WDFY3: variants seen among roughly 807,000 people sequenced by gnomAD.
The protein encoded by WDFY3 is WD repeat and FYVE domain-containing protein 3.
In WDFY3, 66 loss-of-function variants were observed where a neutral mutation model predicts 409.6. That is an observed-to-expected ratio of 0.16 (90% CI 0.13 to 0.20). The LOEUF (loss-of-function observed/expected upper bound fraction) is 0.20, where lower values mean the gene tolerates loss of function less well. WDFY3 is among the 10% of genes least tolerant of loss of function. The pLI is 1.00. For synonymous variants in WDFY3, 1,521 were observed against 1,537.1 expected, an observed-to-expected ratio of 0.99 and a Z score of 0.25; for missense variants, 3,031 against 4,298.1, an observed-to-expected ratio of 0.71 and a Z score of 8.24.
intron 13 of WDFY3, among the ~76,000 whole-genome samples, chr4:84,810,730 T>G (rs1271571942): frequency 3.3e-5 from 5 of 152,210 alleles, no homozygotes; most frequent in African/African-American, 7.2e-5. Context: ...TACAAACTGA[T>G]TAATTCTAGA....
chr4:84,803,505 C>T lies in WDFY3; in HGVS notation c.2430-38G>A. The T allele has an allele frequency of 1.9e-6, 3 of 1,564,938 alleles. No individual in the cohort carries two copies. The South Asian group carries it at 3.7e-5, about 19-fold the overall frequency. ...AAAGAGTAAATTTGGTATTGAATTC[C>T]AATCACATTCTCTTCCTCTTCAGTT... On this transcript the variant is annotated intron_variant, in intron 15 of 67. Transcript: ENST00000295888.
At chr4:84,705,637 G>T in intron 53 of WDFY3, 126 bp from the exon 54 acceptor site, 1 of 749,796 alleles carries the variant, frequency 1.3e-6, no homozygotes. Context: ...GGTCAAACTG[G>T]TATAACTGGA....
chr4:84,879,673 A>T (rs756612043), intron 3 of WDFY3, among the ~76,000 whole-genome samples: 3 of 151,480 alleles, frequency 2.0e-5, no homozygotes, highest in East Asian at 1.9e-4. Context: ...ACATCAAAAT[A>T]AAAAAAAAGT....
chr4:84,729,491 A>G (rs943499623), intron 44 of WDFY3, among the ~76,000 whole-genome samples: 2 of 151,910 alleles, frequency 1.3e-5, no homozygotes, highest in Non-Finnish European at 2.9e-5. Context: ...CTCGATATTA[A>G]TAATTATTAC....
At chr4:84,686,292 C>T (rs543141690) in intron 62 of WDFY3, among the ~76,000 whole-genome samples, 5 of 151,728 alleles carry the variant, frequency 3.3e-5, no homozygotes, top group Non-Finnish European at 7.4e-5. Context: ...GGCAAAAGAG[C>T]GAGACTCCAT....
At chr4:84,726,456 C>A (rs905492014) in intron 45 of WDFY3, among the ~76,000 whole-genome samples, 7 of 152,070 alleles carry the variant, frequency 4.6e-5, no homozygotes, top group African/African-American at 1.7e-4. Context: ...AAAGAGGAGA[C>A]ACTGTTGCAT....
chr4:84,872,086 T>A (rs1762203297), intron 3 of WDFY3, among the ~76,000 whole-genome samples: 1 of 152,162 alleles, frequency 6.6e-6, no homozygotes, highest in African/African-American at 2.4e-5. Flanking sequence ...GCAAGAAACC[T>A]GCAGTATACC....
chr4:84,908,305 C>G (rs549887752), intron 2 of WDFY3, among the ~76,000 whole-genome samples: 1 of 152,128 alleles, frequency 6.6e-6, no homozygotes, highest in East Asian at 1.9e-4. Flanking sequence ...TAGACAGATT[C>G]AACAGACATT....
intron 15 of WDFY3, among the ~76,000 whole-genome samples, chr4:84,805,964 T>C (rs1751432516): frequency 6.6e-6 from 1 of 152,192 alleles, no homozygotes; most frequent in Non-Finnish European, 1.5e-5. Context: ...AGCTAGTTCA[T>C]TTTCCCCCAA....
rs753796269 is a variant in WDFY3 at position 84,772,891 on chromosome 4, G to A, written c.4793C>T (p.Ala1598Val). The change falls in exon 30 of 68, where the codon GCG becomes GTG. Residue 1598 changes from alanine (A) to valine (V), a missense_variant. Ala to Val is a moderately conservative substitution (Grantham distance 64, BLOSUM62 0). Around this residue, in one of 16 missense-constraint regions of WDFY3, gnomAD observed 342 missense variants for 463.7 expected, o/e 0.74. Transcript: ENST00000295888. ...QFISSTLPTF[A>V]VCEKFVVMEI... ...CATTACTACAAATTTCTCACAAACCGCAAAGGTTGGCAAAGTAGAAGAAAT... is the reference window on the plus strand; with the variant it reads ...CATTACTACAAATTTCTCACAAACCACAAAGGTTGGCAAAGTAGAAGAAAT... 47 of 1,607,692 alleles carry A rather than the reference G, an allele frequency of 2.9e-5. No homozygotes were observed. The highest frequency in any genetic ancestry group is 3.8e-5 in the Non-Finnish European group (45 of 1,177,606).
At chr4:84,794,424 G>A in intron 21 of WDFY3, 95 bp downstream of exon 21, 1 of 1,213,374 alleles carries the variant, frequency 8.2e-7, no homozygotes, top group Non-Finnish European at 1.1e-6. Flanking sequence ...AATTTAAGCT[G>A]AAAAGTTATT....
At chr4:84,778,770 TAC>T in intron 26 of WDFY3, 115 bp from the exon 27 acceptor site, 1 of 924,286 alleles carries the variant, frequency 1.1e-6, no homozygotes, top group Non-Finnish European at 1.5e-6. Context: ...AACACACACA[TAC>T]ACACAGAATC....
chr4:84,869,731 TA>T (rs1761909455), intron 3 of WDFY3, among the ~76,000 whole-genome samples: 1 of 152,148 alleles, frequency 6.6e-6, no homozygotes, highest in African/African-American at 2.4e-5. Flanking sequence ...GCAGCCCTTC[TA>T]ACAAAGTATT....
At chr4:84,771,706 T>C (rs1560717368) in intron 30 of WDFY3, among the ~76,000 whole-genome samples, 1 of 152,208 alleles carries the variant, frequency 6.6e-6, no homozygotes, top group African/African-American at 2.4e-5. Flanking sequence ...ATTGGAATAA[T>C]AGTACCTATT....
At chr4:84,889,650 ACTAT>A (rs1488901282) in intron 3 of WDFY3, among the ~76,000 whole-genome samples, 1 of 152,210 alleles carries the variant, frequency 6.6e-6, no homozygotes, top group Admixed American at 6.5e-5. Context: ...TCCTCCATTC[ACTAT>A]CTATGTGACG....
intron 6 of WDFY3, among the ~76,000 whole-genome samples, chr4:84,840,306 T>C (rs1222594936): frequency 6.6e-6 from 1 of 152,200 alleles, no homozygotes; most frequent in Non-Finnish European, 1.5e-5. Context: ...ATCTCCAGAA[T>C]AAATCAAATG....
intron 2 of WDFY3, among the ~76,000 whole-genome samples, chr4:84,918,155 C>A (rs897980089): frequency 6.6e-6 from 1 of 152,104 alleles, no homozygotes; most frequent in Non-Finnish European, 1.5e-5. Context: ...TAACATCTAG[C>A]AAAACTACAT....
chr4:84,760,746 CAA>C (rs1369609578), intron 32 of WDFY3, among the ~76,000 whole-genome samples: 2 of 147,838 alleles, frequency 1.4e-5, no homozygotes, highest in African/African-American at 5.0e-5. Flanking sequence ...TTGATCCTTT[CAA>C]AAAACCAGCT....
rs1738846913 is a variant in WDFY3 at position 84,743,726 on chromosome 4, T to C, written c.6047A>G (p.His2016Arg). The C allele has an allele frequency of 1.9e-6, 3 of 1,581,516 alleles. No individual in the cohort carries two copies. The highest frequency in any genetic ancestry group is 2.6e-6 in the Non-Finnish European group (3 of 1,160,334). ...QTYILDSVMD[H>R]LLAADVLLGE... ...TAATAACACATCAGCTGCAAGCAAA[T>C]GGTCCATCACGCTATCCAAAATGTA... Residue 2016 changes from histidine (H) to arginine (R), a missense_variant, in exon 37 of 68, where the codon CAT becomes CGT. His to Arg is a conservative substitution (Grantham distance 29). Transcript: ENST00000295888.
Sources: allele counts gnomAD v4.1 joint callset (sites outside exome capture counted in the v4.1 genomes callset), GRCh38; gene constraint gnomAD v4.1.1; regional missense constraint gnomAD v4.1.1; transcripts MANE v1.5; gene names NCBI Gene and HGNC (gene_info 2026-07-23, HGNC 2026-07-21).